The following GCN1 variants were observed in gnomAD, a reference collection of about 807,000 sequenced individuals.
GCN1 encodes GCN1 activator of EIF2AK4, also known as stalled ribosome sensor GCN1.
Under a neutral mutation model 288.4 loss-of-function variants are expected in GCN1, and 90 were observed. The ratio of observed to expected loss-of-function variants is 0.31; its 90% CI spans 0.26 to 0.37. GCN1 has a LOEUF of 0.37. Among genes scored for constraint, GCN1 ranks in the 10% least tolerant of loss-of-function variants. The probability of loss-of-function intolerance (pLI) is 1.00; values close to 1 mark genes in which losing one functional copy is unlikely to be tolerated. For missense variants in GCN1, 2,586 were observed against 3,419.9 expected, an observed-to-expected ratio of 0.76 and a Z score of 6.08; for synonymous variants, 1,386 against 1,420.2, an observed-to-expected ratio of 0.98 and a Z score of 0.54.
chr12:120,134,799 A>G lies in GCN1; in HGVS notation c.7009-73T>C. The G allele has an allele frequency of 7.8e-7, 1 of 1,280,180 alleles. No homozygotes were observed. The highest frequency in any genetic ancestry group is 1.1e-6 in the Non-Finnish European group (1 of 887,146). The allele number at this position is 1,280,180 out of a possible 1,614,324, so 79.3% of individuals were successfully genotyped here. ...AGCCACAGTGTACCACAGGCATGAG[A>G]ACAAATGACAATCCCAAACCACCAC... is the stretch of plus-strand genomic sequence containing the variant. On this transcript the variant is annotated intron_variant, in intron 51 of 57. Transcript: ENST00000300648. This position sits in a 1 kb window ranked among gnomAD's most constrained non-coding sequence, Gnocchi z 5.0.
chr12:120,155,214 T>C lies in GCN1; in HGVS notation c.3630+27A>G, dbSNP rs754509433. The C allele has an allele frequency of 2.5e-6, 4 of 1,608,438 alleles. No individual in the cohort carries two copies. In the South Asian group the frequency reaches 4.4e-5, roughly 18 times the overall value. On this transcript the variant is annotated intron_variant, in intron 30 of 57. Coordinates refer to ENST00000300648, the MANE Select transcript of GCN1 (RefSeq NM_006836.2). This position sits in a 1 kb window ranked among gnomAD's most constrained non-coding sequence, Gnocchi z 4.9. Reference sequence around the variant, plus strand: ...CCCACCCAACCGCACACACCCAGACTGCATCAGGGCTGCACAGGTCACTCA... The same window carrying C: ...CCCACCCAACCGCACACACCCAGACCGCATCAGGGCTGCACAGGTCACTCA...
At position 120,153,378 on chromosome 12, in the gene GCN1, G is replaced by C. The variant is rs201908806; in HGVS notation, c.3897C>G (p.Phe1299Leu). Reference protein sequence around the residue: ...KENVNSLLPVFEEFLKNAPND... With the variant: ...KENVNSLLPVLEEFLKNAPND... ...TGGGCGCGTTCTTCAGGAACTCCTC[G>C]AATACTGGCAACAGCGAGTTGACGT... The change falls in exon 33 of 58, where the codon TTC becomes TTG. Residue 1299 changes from phenylalanine to leucine, a missense_variant. Coordinates refer to ENST00000300648, the MANE Select transcript of GCN1 (RefSeq NM_006836.2). This position sits in a 1 kb window ranked among gnomAD's most constrained non-coding sequence, Gnocchi z 4.4. 1 of 1,613,984 alleles carries C rather than the reference G, an allele frequency of 6.2e-7. No homozygotes were observed. Among genetic ancestry groups the C allele is most frequent in the Non-Finnish European group, 8.5e-7 (1 of 1,180,028 alleles).
At chr12:120,185,728 G>A (rs1435452477) in intron 2 of GCN1, among the ~76,000 whole-genome samples, 1 of 152,118 alleles carries the variant, frequency 6.6e-6, no homozygotes, top group African/African-American at 2.4e-5. Context: ...AGCCACATGA[G>A]TAGCTGAGAC....
chr12:120,129,777 C>T (rs1488005348), intron 56 of GCN1, among the ~76,000 whole-genome samples: 3 of 152,184 alleles, frequency 2.0e-5, no homozygotes, highest in Admixed American at 6.5e-5. Flanking sequence ...CCGTGCTTGC[C>T]CCGGATCCTC....
rs202163732 is a variant in GCN1, at chr12:120,131,332, C to T, written c.7416G>A (p.Ala2472=). Residue 2472 remains alanine, a splice_region_variant and synonymous_variant, in exon 55 of 58, where the codon GCG becomes GCA. Transcript: ENST00000300648. ...CCATCCAGTCAATGCCGGACACGTC[C>T]GCTGGGTGGAAGGACACGACTGGGA... ...LSAVLQQCLL[A]DVSGIDWMVR... is the part of the protein sequence containing the mutation. 998 of 1,613,672 alleles carry T rather than the reference C, an allele frequency of 6.2e-4. 3 individuals carry two copies. The highest frequency in any genetic ancestry group is 7.9e-4 in the Non-Finnish European group (927 of 1,179,972).
chr12:120,129,501 A>G lies in GCN1; in HGVS notation c.7672-7T>C. The G allele has an allele frequency of 6.2e-7, 1 of 1,601,466 alleles. No homozygotes were observed. The highest frequency in any genetic ancestry group is 8.6e-7 in the Non-Finnish European group (1 of 1,168,466). ...TGGATGGGTTCTGCAGACACTGTAAAAAGAACCACAAACAGGCTTTTGGAT... is the reference window on the plus strand; with the variant it reads ...TGGATGGGTTCTGCAGACACTGTAAGAAGAACCACAAACAGGCTTTTGGAT... On this transcript the variant is annotated splice_polypyrimidine_tract_variant and splice_region_variant and intron_variant, in intron 56 of 57. Transcript: ENST00000300648.
At position 120,155,324 on chromosome 12, in the gene GCN1, G is replaced by C; in HGVS notation, c.3547C>G (p.Leu1183Val). 6.2e-7 allele frequency: 1 copy of C among 1,614,162 alleles called. No homozygotes were observed. The change falls in exon 30 of 58, where the codon CTC becomes GTC. Residue 1183 changes from leucine (L) to valine (V), a missense_variant. By Grantham distance (32) the Leu-to-Val change is conservative (BLOSUM62 1). Coordinates refer to ENST00000300648, the MANE Select transcript of GCN1 (RefSeq NM_006836.2). This position sits in a 1 kb window ranked among gnomAD's most constrained non-coding sequence, Gnocchi z 4.9. ...AAVRQAGAEA[L>V]SQAVARYQRQ... ...TGGTAACGTGCCACTGCTTGGGAGA[G>C]GGCTTCGGCCCCTGCCTGCCTTACA...
chr12:120,179,656 C>G (rs917802477), intron 5 of GCN1, among the ~76,000 whole-genome samples: 2 of 152,090 alleles, frequency 1.3e-5, no homozygotes, highest in Non-Finnish European at 2.9e-5. Context: ...GCCTCGGCCT[C>G]CCAAAGTGCT....
rs1413475993 is a variant in GCN1 at position 120,158,551 on chromosome 12, C to G, written c.2814G>C (p.Trp938Cys). ...CAGCCACCGACAGCTCTTCCTGGCA[C>G]CAGGACTTATCCAGGACACACTCTG... is the stretch of plus-strand genomic sequence containing the variant. ...LKPECVLDKSWCQEELSVAVK... is the reference protein window; with the variant it reads ...LKPECVLDKSCCQEELSVAVK... The change falls in exon 25 of 58, where the codon TGG becomes TGC. Residue 938 changes from tryptophan (W) to cysteine (C), a missense_variant. Trp to Cys is a radical substitution (Grantham distance 215). This residue lies in a region of GCN1 where 153 missense variants were observed against 252.0 expected (regional missense o/e 0.61). Coordinates refer to ENST00000300648, the MANE Select transcript of GCN1 (RefSeq NM_006836.2). The surrounding 1 kb of genome is among the most constrained non-coding windows in gnomAD (Gnocchi z 4.3). 1 of 1,603,588 alleles carries G rather than the reference C, an allele frequency of 6.2e-7. No homozygotes were observed. The highest frequency in any genetic ancestry group is 8.5e-7 in the Non-Finnish European group (1 of 1,174,982).
chr12:120,149,825 C>G, intron 35 of GCN1, 97 bp downstream of exon 35: 5 of 1,548,238 alleles, frequency 3.2e-6, no homozygotes, highest in African/African-American at 2.7e-5. Flanking sequence ...TACTGGGGTT[C>G]TATTATGTCA....
rs1256336771 is a variant in GCN1 at position 120,175,222 on chromosome 12, G to C, written c.1043-10C>G. ...AGTTTTCCTTCCGAGCCTGAGAAGA[G>C]AGACAGCAAAGATTCACATTCACAT... On this transcript the variant is annotated splice_polypyrimidine_tract_variant and intron_variant, in intron 11 of 57. Transcript: ENST00000300648. 1.9e-6 allele frequency: 3 copies of C among 1,611,276 alleles called. No individual in the cohort carries two copies. The highest frequency in any genetic ancestry group is 1.3e-5 in the African/African-American group (1 of 74,802).
intron 14 of GCN1, 31 bp from the exon 15 acceptor site, chr12:120,170,352 C>T (rs770391749): frequency 3.1e-6 from 5 of 1,605,114 alleles, no homozygotes; most frequent in Non-Finnish European, 4.3e-6. Context: ...CCTTAAAGGA[C>T]ATCCTGATCC....
intron 14 of GCN1, among the ~76,000 whole-genome samples, chr12:120,170,798 C>A (rs1471727332): frequency 6.6e-6 from 1 of 152,046 alleles, no homozygotes; most frequent in Admixed American, 6.6e-5. Flanking sequence ...TTCCCCCATA[C>A]AGATGACCTT....
chr12:120,138,511 C>T, intron 46 of GCN1, 96 bp from the exon 47 acceptor site: 1 of 1,014,832 alleles, frequency 9.9e-7, no homozygotes, highest in South Asian at 1.3e-5. Flanking sequence ...TCCCTCCCTC[C>T]TGTTGCACCC....
chr12:120,129,965 G>A (rs969874733), intron 56 of GCN1, among the ~76,000 whole-genome samples: 13 of 152,206 alleles, frequency 8.5e-5, no homozygotes, highest in African/African-American at 2.9e-4. Flanking sequence ...GCAGGCTGAT[G>A]TCATCACAGA....
In GCN1 at chr12:120,160,004, G is replaced by T; in HGVS notation, c.2570C>A (p.Ala857Glu). The T allele has an allele frequency of 6.2e-7, 1 of 1,614,046 alleles. No individual in the cohort carries two copies. The change falls in exon 24 of 58, where the codon GCG becomes GAG. Residue 857 changes from alanine to glutamate, a missense_variant. This residue lies in a region of GCN1 where 913 missense variants were observed against 1,107.0 expected (regional missense o/e 0.82). Transcript: ENST00000300648. ...RLQELDGELE[A>E]ALGLLDIILA... ...GATGATGTCCAGCAGTCCAAGCGCC[G>T]CCTCCAGCTCCCCATCCAGCTGCAA...
intron 1 of GCN1, among the ~76,000 whole-genome samples, chr12:120,192,542 A>G (rs191088831): frequency 3.3e-5 from 5 of 151,658 alleles, no homozygotes; most frequent in Admixed American, 3.3e-4. Context: ...CCTGGCCAAC[A>G]TGGTGAAACC....
chr12:120,156,400 C>A lies in GCN1; in HGVS notation c.3312+61G>T. 2 of 1,522,704 alleles carry A rather than the reference C, an allele frequency of 1.3e-6. No individual in the cohort carries two copies. Among genetic ancestry groups the A allele is most frequent in the Non-Finnish European group, 1.8e-6 (2 of 1,105,272 alleles). The allele number at this position is 1,522,704 out of a possible 1,614,324, so 94.3% of individuals were successfully genotyped here. Reference sequence around the variant, plus strand: ...GACATTCTCTCAAATGCCCATCATGCAATTTGCACTTGCATAGAGTGACAA... The same window carrying A: ...GACATTCTCTCAAATGCCCATCATGAAATTTGCACTTGCATAGAGTGACAA... On this transcript the variant is annotated intron_variant, in intron 28 of 57. Coordinates refer to ENST00000300648, the MANE Select transcript of GCN1 (RefSeq NM_006836.2). This position sits in a 1 kb window ranked among gnomAD's most constrained non-coding sequence, Gnocchi z 5.8.
rs373593075 is a variant in GCN1 at position 120,142,455 on chromosome 12, C to G, written c.5829+52G>C. ...CTCTGCAGACCCAGCCTTCTAGGCT[C>G]TGAAAGGAGGCACTGGGGCTGCTGG... On this transcript the variant is annotated intron_variant, in intron 44 of 57. Transcript: ENST00000300648. The surrounding 1 kb of genome is among the most constrained non-coding windows in gnomAD (Gnocchi z 4.9). The G allele has an allele frequency of 6.5e-5, 90 of 1,376,798 alleles. No homozygotes were observed. The African/African-American group carries it at 1.2e-3, about 18-fold the overall frequency. The allele number at this position is 1,376,798 out of a possible 1,614,324, so 85.3% of individuals were successfully genotyped here. A position where few individuals can be genotyped will look rare whatever the true frequency, so the allele number is the denominator to read the frequency against.
Sources: gnomAD v4.1 joint callset for allele counts (sites outside exome capture counted in the v4.1 genomes callset) on GRCh38, gnomAD v4.1.1 for gene constraint, gnomAD v4.1.1 regional missense constraint, Gnocchi (gnomAD v3.1) non-coding constraint, MANE v1.5 for transcripts, NCBI Gene and HGNC (gene_info 2026-07-23, HGNC 2026-07-21) for gene names.